DDHD1: variants seen among roughly 807,000 people sequenced by gnomAD.
DDHD1 encodes the protein phospholipase DDHD1.
In DDHD1, 49 loss-of-function variants were observed where a neutral mutation model predicts 96.4. The ratio of observed to expected loss-of-function variants is 0.51; its 90% CI spans 0.40 to 0.64. The LOEUF (loss-of-function observed/expected upper bound fraction) is 0.64. Ranked by LOEUF, DDHD1 falls within the 30% of genes least tolerant of loss-of-function variation. The pLI is 0.00. For missense variants in DDHD1, 1,106 were observed against 1,161.2 expected, an observed-to-expected ratio of 0.95 and a Z score of 0.69; for synonymous variants, 442 against 446.5, an observed-to-expected ratio of 0.99 and a Z score of 0.13.
intron 1 of DDHD1, among the ~76,000 whole-genome samples, chr14:53,125,209 C>T (rs1342232684): frequency 6.6e-6 from 1 of 152,132 alleles, no homozygotes; most frequent in African/African-American, 2.4e-5. Context: ...ATGGAGGTAG[C>T]TTTTATATAT....
intron 4 of DDHD1, 110 bp downstream of exon 4, chr14:53,091,675 G>C (rs1466350214): frequency 8.6e-7 from 1 of 1,161,574 alleles, no homozygotes; most frequent in Non-Finnish European, 1.2e-6. Flanking sequence ...TAGAATAGTT[G>C]GCACTGGAGG....
chr14:53,039,691 T>C lies in DDHD1; in HGVS notation c.*7077A>G, dbSNP rs10151030. The C allele has an allele frequency of 0.74, 112,435 of 152,256 alleles. 44,103 individuals carry two copies. Among genetic ancestry groups the C allele is most frequent in the East Asian group, 0.96 (4,988 of 5,176 alleles). The allele number at this position is 152,256 out of a possible 1,614,324, so 9.4% of individuals were successfully genotyped here. A position where few individuals can be genotyped will look rare whatever the true frequency, so the allele number is the denominator to read the frequency against. On this transcript the variant is annotated 3_prime_UTR_variant, in exon 13 of 13. Transcript: ENST00000673822. ...AATGTAGTTTGCTGTAACAAAAATA[T>C]AGTTTGATTGTTGAAGGTAGGCAGT...
chr14:53,152,921 G>A lies in DDHD1; in HGVS notation c.178C>T (p.Arg60Cys). 5 of 1,607,174 alleles carry A rather than the reference G, an allele frequency of 3.1e-6. No homozygotes were observed. Among genetic ancestry groups the A allele is most frequent in the Admixed American group, 1.7e-5 (1 of 59,458 alleles). Reference sequence around the variant, plus strand: ...GCCAAATGCAGCCCGGGTTCCCCGCGCAGCAGGGCCAGGGGCACGTCGCCG... The same window carrying A: ...GCCAAATGCAGCCCGGGTTCCCCGCACAGCAGGGCCAGGGGCACGTCGCCG... Reference protein sequence around the residue: ...DDGDVPLALLRGEPGLHLAPG... With the variant: ...DDGDVPLALLCGEPGLHLAPG... The change falls in exon 1 of 13, where the codon CGC (arginine) becomes TGC (cysteine). Residue 60 changes from arginine to cysteine, a missense_variant. Physicochemically the swap from Arg to Cys is radical, Grantham distance 180. Around this residue, in one of 2 missense-constraint regions of DDHD1, gnomAD observed 456 missense variants for 402.4 expected, o/e 1.13. Coordinates refer to ENST00000673822, the MANE Select transcript of DDHD1 (RefSeq NM_001160148.2).
chr14:53,104,868 AAT>A (rs1258744582), intron 1 of DDHD1, among the ~76,000 whole-genome samples: 1 of 152,086 alleles, frequency 6.6e-6, no homozygotes, highest in Admixed American at 6.5e-5. Context: ...TATAAAGAGA[AAT>A]TATTTCAAGT....
chr14:53,073,719 T>C (rs1166312377), intron 5 of DDHD1, 22 bp downstream of exon 5: 1 of 1,576,074 alleles, frequency 6.3e-7, no homozygotes, highest in Non-Finnish European at 8.6e-7. Flanking sequence ...GGCTAAATCA[T>C]TCAATTTTTA....
intron 2 of DDHD1, among the ~76,000 whole-genome samples, chr14:53,101,822 A>T (rs182865682): frequency 6.6e-6 from 1 of 152,172 alleles, no homozygotes; most frequent in East Asian, 1.9e-4. Flanking sequence ...TTAAATTCTA[A>T]TTTTTATTGT....
intron 4 of DDHD1, among the ~76,000 whole-genome samples, chr14:53,079,000 G>C (rs1054439618): frequency 7.3e-5 from 11 of 151,550 alleles, no homozygotes; most frequent in Admixed American, 6.6e-4. Context: ...ACATGTGGTG[G>C]ATTACCTTGA....
intron 4 of DDHD1, among the ~76,000 whole-genome samples, chr14:53,087,145 C>T (rs944736401): frequency 6.6e-6 from 1 of 151,998 alleles, no homozygotes; most frequent in African/African-American, 2.4e-5. Flanking sequence ...TACAGGAGCA[C>T]CCAGATTCAT....
intron 10 of DDHD1, among the ~76,000 whole-genome samples, 198 bp downstream of exon 10, chr14:53,055,462 A>G (rs529157615): frequency 6.6e-6 from 1 of 152,336 alleles, no homozygotes; most frequent in East Asian, 1.9e-4. Context: ...CTTATATTCT[A>G]AAACTATAAG....
chr14:53,142,935 G>T (rs1232507790), intron 1 of DDHD1, among the ~76,000 whole-genome samples: 5 of 152,232 alleles, frequency 3.3e-5, no homozygotes, highest in Non-Finnish European at 5.9e-5. Context: ...ATTGAAACAG[G>T]AGAGCCAAGA....
chr14:53,038,165 A>G lies in DDHD1; in HGVS notation c.*8603T>C, dbSNP rs1038379484. ...GAGGATGCCCAGTCTCATCGCTCCC[A>G]TTCAACTTAGAGCAATCAGGCAAGA... On this transcript the variant is annotated 3_prime_UTR_variant, in exon 13 of 13. Coordinates refer to ENST00000673822, the MANE Select transcript of DDHD1 (RefSeq NM_001160148.2). The G allele has an allele frequency of 6.6e-6, 1 of 152,110 alleles. No homozygotes were observed. The highest frequency in any genetic ancestry group is 2.4e-5 in the African/African-American group (1 of 41,432). The allele number at this position is 152,110 out of a possible 1,614,324, so 9.4% of individuals were successfully genotyped here. A position where few individuals can be genotyped will look rare whatever the true frequency, so the allele number is the denominator to read the frequency against.
In DDHD1 at chr14:53,038,012, A is replaced by G. The variant is rs1881384699; in HGVS notation, c.*8756T>C. The G allele has an allele frequency of 6.6e-6, 1 of 151,900 alleles. No individual in the cohort carries two copies. The allele number at this position is 151,900 out of a possible 1,614,324, so 9.4% of individuals were successfully genotyped here. A position where few individuals can be genotyped will look rare whatever the true frequency, so the allele number is the denominator to read the frequency against. ...AAAATCCAACATCCCTCATGATAAA[A>G]CCCCTCAACAGACTAGGTATCAAAG... On this transcript the variant is annotated 3_prime_UTR_variant, in exon 13 of 13. Transcript: ENST00000673822.
intron 6 of DDHD1, among the ~76,000 whole-genome samples, chr14:53,068,555 A>G (rs1427524383): frequency 1.3e-5 from 2 of 152,056 alleles, no homozygotes; most frequent in Admixed American, 1.3e-4. Flanking sequence ...CCAGACTGAT[A>G]ATAATATTTT....
chr14:53,116,806 G>A (rs184349639), intron 1 of DDHD1, among the ~76,000 whole-genome samples: 4 of 152,226 alleles, frequency 2.6e-5, no homozygotes, highest in Admixed American at 1.3e-4. Context: ...ACATCGCAAT[G>A]AAAAGAACTA....
chr14:53,101,813 T>C (rs1377948069), intron 2 of DDHD1, among the ~76,000 whole-genome samples: 2 of 152,012 alleles, frequency 1.3e-5, no homozygotes, highest in Non-Finnish European at 2.9e-5. Context: ...AAGTACATAT[T>C]AAATTCTAAT....
chr14:53,074,346 C>T (rs182064827), intron 4 of DDHD1, among the ~76,000 whole-genome samples: 17 of 151,782 alleles, frequency 1.1e-4, no homozygotes, highest in Non-Finnish European at 2.5e-4. Context: ...ATTACAATTA[C>T]AATTAGTATT....
chr14:53,081,375 GGC>G (rs1222800894), intron 4 of DDHD1, among the ~76,000 whole-genome samples: 3 of 152,156 alleles, frequency 2.0e-5, no homozygotes, highest in Non-Finnish European at 2.9e-5. Context: ...CAATTTTGAT[GGC>G]TGTGTAGTTC....
In DDHD1 at chr14:53,041,265, A is replaced by T. The variant is rs1006621841; in HGVS notation, c.*5503T>A. Reference sequence around the variant, plus strand: ...AGCAAGTTGTACCATGTTACATATAAATGAAAAACCATAAGGTAGCAGACA... The same window carrying T: ...AGCAAGTTGTACCATGTTACATATATATGAAAAACCATAAGGTAGCAGACA... On this transcript the variant is annotated 3_prime_UTR_variant, in exon 13 of 13. Transcript: ENST00000673822. 1.3e-5 allele frequency: 2 copies of T among 152,170 alleles called. No homozygotes were observed. The highest frequency in any genetic ancestry group is 4.8e-5 in the African/African-American group (2 of 41,444). The allele number at this position is 152,170 out of a possible 1,614,324, so 9.4% of individuals were successfully genotyped here. A position where few individuals can be genotyped will look rare whatever the true frequency, so the allele number is the denominator to read the frequency against.
intron 1 of DDHD1, among the ~76,000 whole-genome samples, chr14:53,115,956 T>A (rs570475344): frequency 2.0e-5 from 3 of 152,134 alleles, no homozygotes; most frequent in African/African-American, 7.2e-5. Flanking sequence ...TCAAGACCCA[T>A]TGGTGTGCTG....
Sources: allele counts gnomAD v4.1 joint callset (sites outside exome capture counted in the v4.1 genomes callset), GRCh38; gene constraint gnomAD v4.1.1; regional missense constraint gnomAD v4.1.1; transcripts MANE v1.5; gene names NCBI Gene and HGNC (gene_info 2026-07-23, HGNC 2026-07-21).